The following LYPLAL1 variants were observed in gnomAD, a reference collection of about 807,000 sequenced individuals.
The protein encoded by LYPLAL1 is lysophospholipase-like protein 1.
LYPLAL1 carries 23 observed loss-of-function variants against 19.7 expected under a neutral mutation model. The observed-to-expected ratio is 1.17, with a 90% CI of 0.84 to 1.65. The LOEUF is 1.65. LYPLAL1 is among the 40% of genes most tolerant of loss of function. The pLI is 0.00. For synonymous variants in LYPLAL1, 119 were observed against 96.3 expected (o/e 1.24, Z -1.38); for missense variants, 355 against 279.4 (o/e 1.27, Z -1.93).
At chr1:219,201,683 C>G (rs535027738) in intron 3 of LYPLAL1, among the ~76,000 whole-genome samples, 1 of 152,112 alleles carries the variant, frequency 6.6e-6, no homozygotes, top group Non-Finnish European at 1.5e-5. Context: ...CAGAAAGAGA[C>G]CACAAAAGTG....
the LYPLAL1 span, among the ~76,000 whole-genome samples, chr1:219,384,865 C>A: frequency 6.6e-6 from 1 of 152,148 alleles, no homozygotes; most frequent in Non-Finnish European, 1.5e-5. Flanking sequence ...GACTACAGAG[C>A]ATTCTGATAT....
At position 219,174,219 on chromosome 1, in the gene LYPLAL1, T is replaced by C. The variant is rs1315679477; in HGVS notation, c.91+238T>C. 5.0e-6 allele frequency: 7 copies of C among 1,393,674 alleles called. No individual in the cohort carries two copies. In the East Asian group the frequency reaches 1.4e-4, roughly 27 times the overall value. The allele number at this position is 1,393,674 out of a possible 1,614,324, so 86.3% of individuals were successfully genotyped here. A position where few individuals can be genotyped will look rare whatever the true frequency, so the allele number is the denominator to read the frequency against. Reference sequence around the variant, plus strand: ...GTCCACCACCCTCGCTTTGGGGCCTTGTGTCCCGCCGCTCAGCCAGCCCTC... The same window carrying C: ...GTCCACCACCCTCGCTTTGGGGCCTCGTGTCCCGCCGCTCAGCCAGCCCTC... On this transcript the variant is annotated intron_variant, in intron 1 of 4. Coordinates refer to ENST00000366928, the MANE Select transcript of LYPLAL1 (RefSeq NM_138794.5).
chr1:219,385,288 G>A, the LYPLAL1 span, among the ~76,000 whole-genome samples: 1 of 152,172 alleles, frequency 6.6e-6, no homozygotes, highest in African/African-American at 2.4e-5. Flanking sequence ...TTCTGAGATA[G>A]AGTGGAAGGC....
chr1:219,324,462 G>C, the LYPLAL1 span, among the ~76,000 whole-genome samples: 1 of 152,068 alleles, frequency 6.6e-6, no homozygotes. Context: ...GTAGTGACTC[G>C]GCCCCTCTCT....
chr1:219,329,477 G>A, the LYPLAL1 span, among the ~76,000 whole-genome samples: 1 of 152,042 alleles, frequency 6.6e-6, no homozygotes, highest in Admixed American at 6.6e-5. Flanking sequence ...ATTTCACCAG[G>A]GTCCCAACTG....
the LYPLAL1 span, among the ~76,000 whole-genome samples, chr1:219,412,554 C>T: frequency 8.8e-4 from 134 of 152,278 alleles, no homozygotes; most frequent in African/African-American, 3.1e-3. Context: ...GCAAAAGCTC[C>T]ATTAATGGGT....
the LYPLAL1 span, among the ~76,000 whole-genome samples, chr1:219,326,718 C>A: frequency 6.6e-6 from 1 of 152,088 alleles, no homozygotes; most frequent in South Asian, 2.1e-4. Context: ...GAAAGAGGAG[C>A]CTTTTAAAAA....
At chr1:219,400,700 A>G in the LYPLAL1 span, among the ~76,000 whole-genome samples, 1 of 152,044 alleles carries the variant, frequency 6.6e-6, no homozygotes, top group African/African-American at 2.4e-5. Context: ...GGGTTTCACC[A>G]TTTTGGCCAG....
the LYPLAL1 span, among the ~76,000 whole-genome samples, chr1:219,357,293 T>C: frequency 6.6e-6 from 1 of 152,198 alleles, no homozygotes; most frequent in African/African-American, 2.4e-5. Context: ...AAGACAAACG[T>C]TGTACTTCAA....
the LYPLAL1 span, among the ~76,000 whole-genome samples, chr1:219,258,962 G>A: frequency 1.3e-5 from 2 of 151,854 alleles, no homozygotes; most frequent in Admixed American, 1.3e-4. Context: ...CTAAGGACAT[G>A]AACAAACAAT....
At chr1:219,185,164 T>C (rs1398741113) in intron 2 of LYPLAL1, among the ~76,000 whole-genome samples, 1 of 151,940 alleles carries the variant, frequency 6.6e-6, no homozygotes, top group African/African-American at 2.4e-5. Flanking sequence ...GTATCTTTTT[T>C]CTGATTTGTC....
chr1:219,214,274 T>G (rs996678044), downstream of LYPLAL1, among the ~76,000 whole-genome samples: 4 of 152,172 alleles, frequency 2.6e-5, no homozygotes, highest in African/African-American at 9.6e-5. Flanking sequence ...TTGTATTCAC[T>G]AATATTTTGT....
At chr1:219,215,379 G>T (rs1266482209), downstream of LYPLAL1, among the ~76,000 whole-genome samples, 1 of 151,918 alleles carries the variant, frequency 6.6e-6, no homozygotes, top group Non-Finnish European at 1.5e-5. Context: ...TATTCTTGCT[G>T]GTTTTAGTAG....
downstream of LYPLAL1, among the ~76,000 whole-genome samples, chr1:219,217,828 T>G (rs1659349155): frequency 6.6e-6 from 1 of 152,052 alleles, no homozygotes; most frequent in Admixed American, 6.6e-5. Flanking sequence ...GAAGTTGAAG[T>G]AGCCATGATA....
the LYPLAL1 span, among the ~76,000 whole-genome samples, chr1:219,346,610 A>G: frequency 6.6e-6 from 1 of 152,192 alleles, no homozygotes; most frequent in Admixed American, 6.5e-5. Flanking sequence ...ACTGGCAGAG[A>G]GACGCTGTGT....
the LYPLAL1 span, among the ~76,000 whole-genome samples, chr1:219,269,244 G>A: frequency 2.0e-5 from 3 of 152,186 alleles, no homozygotes; most frequent in Admixed American, 1.3e-4. Flanking sequence ...GAGTAGAAGG[G>A]AAGCATGTGT....
At chr1:219,345,206 A>G in the LYPLAL1 span, among the ~76,000 whole-genome samples, 1 of 152,220 alleles carries the variant, frequency 6.6e-6, no homozygotes, top group Non-Finnish European at 1.5e-5. Context: ...ATATGTTTGT[A>G]CACATATTTA....
At chr1:219,320,934 A>G in the LYPLAL1 span, among the ~76,000 whole-genome samples, 1 of 152,206 alleles carries the variant, frequency 6.6e-6, no homozygotes, top group Non-Finnish European at 1.5e-5. Flanking sequence ...AGCATGATTT[A>G]CAATCCTTTG....
At position 219,179,181 on chromosome 1, in the gene LYPLAL1, G is replaced by A. The variant is rs767850514; in HGVS notation, c.126G>A (p.Lys42=). 1 of 1,612,526 alleles carries A rather than the reference G, an allele frequency of 6.2e-7. No individual in the cohort carries two copies. The highest frequency in any genetic ancestry group is 8.5e-7 in the Non-Finnish European group (1 of 1,179,358). ...DSGQGLRMWI[K]QVLNQDLTFQ... ...GACAAGGATTAAGAATGTGGATCAAGCAGGTTTTAAATCAAGATTTAACAT... is the reference window on the plus strand; with the variant it reads ...GACAAGGATTAAGAATGTGGATCAAACAGGTTTTAAATCAAGATTTAACAT... Residue 42 remains lysine, a synonymous_variant, in exon 2 of 5, where the codon AAG becomes AAA. Coordinates refer to ENST00000366928, the MANE Select transcript of LYPLAL1 (RefSeq NM_138794.5).
Sources: allele counts gnomAD v4.1 joint callset (sites outside exome capture counted in the v4.1 genomes callset), GRCh38; gene constraint gnomAD v4.1.1; transcripts MANE v1.5; gene names NCBI Gene and HGNC (gene_info 2026-07-23, HGNC 2026-07-21).